The following SH3RF3 variants were observed in gnomAD, a reference collection of about 807,000 sequenced individuals.
SH3RF3 encodes SH3 domain containing ring finger 3, also known as E3 ubiquitin-protein ligase SH3RF3.
A neutral mutation model predicts 66.3 loss-of-function variants in SH3RF3; 29 were observed. The ratio of observed to expected loss-of-function variants is 0.44; its 90% CI spans 0.33 to 0.60. The LOEUF (loss-of-function observed/expected upper bound fraction) is 0.60, where lower values mean the gene tolerates loss of function less well. SH3RF3 is among the 20% of genes least tolerant of loss of function. SH3RF3 has a pLI of 0.04. For missense variants in SH3RF3, 1,194 were observed against 1,190.9 expected (o/e 1.00, Z -0.04); for synonymous variants, 583 against 532.0 (o/e 1.10, Z -1.32).
chr2:109,374,399 C>G (rs994027851), intron 3 of SH3RF3, among the ~76,000 whole-genome samples: 2 of 152,220 alleles, frequency 1.3e-5, no homozygotes, highest in African/African-American at 4.8e-5. Flanking sequence ...TGGGACTTTT[C>G]ATTCTTTATG....
chr2:109,137,179 G>A (rs1405530399), intron 1 of SH3RF3, among the ~76,000 whole-genome samples: 1 of 152,240 alleles, frequency 6.6e-6, no homozygotes, highest in Non-Finnish European at 1.5e-5. Flanking sequence ...TTTCTAATGA[G>A]GAAAGTGGTA....
chr2:109,272,686 A>T (rs1378606012), intron 1 of SH3RF3, among the ~76,000 whole-genome samples: 1 of 152,310 alleles, frequency 6.6e-6, no homozygotes, highest in African/African-American at 2.4e-5. Flanking sequence ...TGTCATGGAG[A>T]CAATACAGGC....
At chr2:109,144,349 C>T (rs1421545212) in intron 1 of SH3RF3, among the ~76,000 whole-genome samples, 1 of 152,142 alleles carries the variant, frequency 6.6e-6, no homozygotes, top group Non-Finnish European at 1.5e-5. Flanking sequence ...ATAAATTTAA[C>T]ATGATAATGA....
intron 1 of SH3RF3, among the ~76,000 whole-genome samples, chr2:109,219,799 TC>T (rs1445869649): frequency 3.3e-5 from 5 of 152,206 alleles, no homozygotes; most frequent in Non-Finnish European, 7.3e-5. Context: ...TGGAAATGCA[TC>T]TCTTGTTCAT....
chr2:109,469,460 C>G (rs1429280320), intron 8 of SH3RF3, among the ~76,000 whole-genome samples: 3 of 152,176 alleles, frequency 2.0e-5, no homozygotes, highest in Admixed American at 2.0e-4. Flanking sequence ...ACAGTAATGC[C>G]TGTTGTGCAG....
intron 1 of SH3RF3, among the ~76,000 whole-genome samples, chr2:109,145,761 G>T (rs993749090): frequency 6.6e-6 from 1 of 152,224 alleles, no homozygotes; most frequent in Non-Finnish European, 1.5e-5. Context: ...GAAAGGGCGG[G>T]AACCCAGGAG....
At chr2:109,368,885 C>A (rs556894115) in intron 2 of SH3RF3, among the ~76,000 whole-genome samples, 1 of 152,144 alleles carries the variant, frequency 6.6e-6, no homozygotes, top group Non-Finnish European at 1.5e-5. Flanking sequence ...TATGTGACAG[C>A]GAAGCCTTAG....
At chr2:109,131,871 CT>C (rs908254455) in intron 1 of SH3RF3, among the ~76,000 whole-genome samples, 37 of 152,272 alleles carry the variant, frequency 2.4e-4, no homozygotes, top group Middle Eastern at 3.4e-3. Context: ...TAGACGAGCA[CT>C]TATTTAACTA....
At chr2:109,151,332 A>G (rs1297211107) in intron 1 of SH3RF3, among the ~76,000 whole-genome samples, 1 of 152,202 alleles carries the variant, frequency 6.6e-6, no homozygotes, top group Non-Finnish European at 1.5e-5. Context: ...CTGTGCCTAC[A>G]CGTCTCAGAA....
chr2:109,241,005 C>G (rs1679768072), intron 1 of SH3RF3, among the ~76,000 whole-genome samples: 1 of 152,146 alleles, frequency 6.6e-6, no homozygotes, highest in Non-Finnish European at 1.5e-5. Context: ...CCATGCCTCC[C>G]TTTTGGCCAA....
intron 8 of SH3RF3, among the ~76,000 whole-genome samples, chr2:109,482,294 A>G (rs1678855190): frequency 6.6e-6 from 1 of 152,164 alleles, no homozygotes; most frequent in South Asian, 2.1e-4. Flanking sequence ...AATAATTATC[A>G]TTATATTTAG....
chr2:109,321,926 ATGG>A (rs1682036647), intron 1 of SH3RF3, among the ~76,000 whole-genome samples: 1 of 152,124 alleles, frequency 6.6e-6, no homozygotes, highest in Admixed American at 6.5e-5. Context: ...TGAAGGGGAG[ATGG>A]GGCCCTTTTC....
chr2:109,340,298 T>A (rs752428787), intron 1 of SH3RF3, among the ~76,000 whole-genome samples: 21 of 152,096 alleles, frequency 1.4e-4, no homozygotes, highest in Non-Finnish European at 2.5e-4. Context: ...GCTGTAAGGA[T>A]CCTGTGGGTC....
chr2:109,227,025 G>A (rs1285992002), intron 1 of SH3RF3, among the ~76,000 whole-genome samples: 2 of 152,256 alleles, frequency 1.3e-5, no homozygotes, highest in African/African-American at 4.8e-5. Context: ...TTTCCATGGT[G>A]GCCTAGCAGC....
chr2:109,369,942 G>C (rs568959972), intron 2 of SH3RF3, among the ~76,000 whole-genome samples: 1 of 152,336 alleles, frequency 6.6e-6, no homozygotes, highest in Admixed American at 6.5e-5. Context: ...GGCGGGTGGT[G>C]CACTCAGCTC....
intron 2 of SH3RF3, among the ~76,000 whole-genome samples, chr2:109,361,922 C>T (rs1165500890): frequency 1.3e-5 from 2 of 151,908 alleles, no homozygotes; most frequent in Admixed American, 1.3e-4. Context: ...CAGGGATGCC[C>T]CCTCTTTTAT....
chr2:109,368,853 A>G (rs1232704078), intron 2 of SH3RF3, among the ~76,000 whole-genome samples: 1 of 152,148 alleles, frequency 6.6e-6, no homozygotes, highest in Non-Finnish European at 1.5e-5. Context: ...ATGTGTGGGA[A>G]GCCTTTGGTT....
At chr2:109,390,084 T>G (rs1675942655) in intron 3 of SH3RF3, among the ~76,000 whole-genome samples, 1 of 152,158 alleles carries the variant, frequency 6.6e-6, no homozygotes, top group African/African-American at 2.4e-5. Context: ...CCGGAGGGAC[T>G]CGCCCAGGAT....
At chr2:109,494,316 C>T (rs1201433361) in intron 9 of SH3RF3, among the ~76,000 whole-genome samples, 1 of 152,162 alleles carries the variant, frequency 6.6e-6, no homozygotes, top group Non-Finnish European at 1.5e-5. Flanking sequence ...CACCCAAGCA[C>T]TCTGTAGCAC....
Sources: gnomAD v4.1 joint callset for allele counts (sites outside exome capture counted in the v4.1 genomes callset) on GRCh38, gnomAD v4.1.1 for gene constraint, MANE v1.5 for transcripts, NCBI Gene and HGNC (gene_info 2026-07-23, HGNC 2026-07-21) for gene names.